Variants in HERC1 observed in about 807,000 individuals in gnomAD.
HERC1 encodes the protein probable E3 ubiquitin-protein ligase HERC1.
Under a neutral mutation model 554.3 loss-of-function variants are expected in HERC1, and 160 were observed. That is an observed-to-expected ratio of 0.29 (90% confidence interval 0.25 to 0.33). The LOEUF (loss-of-function observed/expected upper bound fraction) is 0.33. HERC1 is among the 10% of genes least tolerant of loss of function. HERC1 has a pLI of 1.00. For synonymous variants in HERC1, 2,175 were observed against 2,131.7 expected, an observed-to-expected ratio of 1.02 and a Z score of -0.56; for missense variants, 4,919 against 5,918.5, an observed-to-expected ratio of 0.83 and a Z score of 5.54.
At chr15:63,672,098 T>C (rs1401925571) in intron 39 of HERC1, among the ~76,000 whole-genome samples, 3 of 152,042 alleles carry the variant, frequency 2.0e-5, no homozygotes, top group Non-Finnish European at 2.9e-5. Flanking sequence ...GTTAAAGAAG[T>C]ATGCTTAAAA....
rs1298599536 is a variant in HERC1 at position 63,638,414 on chromosome 15, T to C, written c.12090A>G (p.Gln4030=). The C allele has an allele frequency of 1.5e-5, 24 of 1,613,548 alleles. No individual in the cohort carries two copies. The Admixed American group carries it at 3.8e-4, about 26-fold the overall frequency. The change falls in exon 63 of 78, where the codon CAA becomes CAG. Residue 4030 remains glutamine (Q), a synonymous_variant. Transcript: ENST00000443617. ...PAAAPSFSQA[Q]QVICGQNCTF... ...TATTTTTTATCCTGTTAGTTACCTG[T>C]TGGGCCTGTGAGAATGAGGGAGCTG...
intron 21 of HERC1, among the ~76,000 whole-genome samples, chr15:63,717,702 G>A (rs2073622131): frequency 6.6e-6 from 1 of 151,932 alleles, no homozygotes; most frequent in Non-Finnish European, 1.5e-5. Flanking sequence ...GAAACCCCAT[G>A]TCTACTAAAA....
At chr15:63,690,682 T>A (rs765499852) in intron 31 of HERC1, 35 bp from the exon 32 acceptor site, 11 of 1,268,862 alleles carry the variant, frequency 8.7e-6, no homozygotes, top group Non-Finnish European at 1.1e-5. Context: ...ATTATCAATG[T>A]GACTTAAATT....
In HERC1 at chr15:63,752,982, T is replaced by C; in HGVS notation, c.1878A>G (p.Ser626=). 6.2e-7 allele frequency: 1 copy of C among 1,613,634 alleles called. No homozygotes were observed. Among genetic ancestry groups the C allele is most frequent in the South Asian group, 1.1e-5 (1 of 91,066 alleles). Residue 626 remains serine (S), a synonymous_variant, in exon 8 of 78, where the codon TCA becomes TCG. Coordinates refer to ENST00000443617, the MANE Select transcript of HERC1 (RefSeq NM_003922.4). ...IRKVCAGSQS[S]LALTSTGQVY... ...CCTGCCCTGTTGATGTCAAAGCAAGTGAAGACTGGCTCCCAGCACAAACTT... is the reference window on the plus strand; with the variant it reads ...CCTGCCCTGTTGATGTCAAAGCAAGCGAAGACTGGCTCCCAGCACAAACTT...
intron 55 of HERC1, among the ~76,000 whole-genome samples, chr15:63,646,835 CA>C (rs35357119): frequency 0.033 from 1,265 of 38,228 alleles, 26 homozygotes; most frequent in African/African-American, 0.11. Context: ...CAAACAAAAA[CA>C]AAAACAAAAC....
chr15:63,694,751 A>C lies in HERC1; in HGVS notation c.5242+23T>G, dbSNP rs770788766. The C allele has an allele frequency of 3.7e-6, 6 of 1,613,834 alleles. No homozygotes were observed. The South Asian group carries it at 6.6e-5, about 18-fold the overall frequency. On this transcript the variant is annotated intron_variant, in intron 28 of 77. Coordinates refer to ENST00000443617, the MANE Select transcript of HERC1 (RefSeq NM_003922.4). The surrounding 1 kb of genome is among the most constrained non-coding windows in gnomAD (Gnocchi z 4.3). ...GGCTAAAATGTAACCTGCACTGTAC[A>C]TTTGCAGGAACCGTTTACTTACCAA... is the stretch of plus-strand genomic sequence containing the variant.
At chr15:63,638,325 C>G in intron 63 of HERC1, 86 bp downstream of exon 63, 1 of 1,346,922 alleles carries the variant, frequency 7.4e-7, no homozygotes, top group Admixed American at 2.1e-5. Context: ...ATGAAATGGA[C>G]AAGCTTTATC....
chr15:63,730,210 T>G (rs917215370), intron 14 of HERC1, among the ~76,000 whole-genome samples: 2 of 149,340 alleles, frequency 1.3e-5, no homozygotes, highest in Admixed American at 6.7e-5. Context: ...GTCCCAACAC[T>G]TTGGGAGGCC....
intron 1 of HERC1, among the ~76,000 whole-genome samples, chr15:63,818,599 T>C (rs1391825698): frequency 6.6e-6 from 1 of 152,254 alleles, no homozygotes; most frequent in African/African-American, 2.4e-5. Context: ...TAAGTGATTC[T>C]GTGAATTCAT....
intron 2 of HERC1, among the ~76,000 whole-genome samples, chr15:63,768,024 TATTCTTA>T (rs141883645): frequency 0.032 from 4,931 of 152,286 alleles, 264 homozygotes; most frequent in African/African-American, 0.11. Flanking sequence ...TAATAATCAT[TATTCTTA>T]ATTATTCTCT....
chr15:63,714,386 A>G (rs2073441196), intron 22 of HERC1, among the ~76,000 whole-genome samples: 1 of 152,214 alleles, frequency 6.6e-6, no homozygotes, highest in Non-Finnish European at 1.5e-5. Flanking sequence ...GATTGCCTCC[A>G]GAGTGAGATG....
intron 12 of HERC1, among the ~76,000 whole-genome samples, chr15:63,743,428 AT>A (rs1029747143): frequency 1.3e-5 from 2 of 150,984 alleles, no homozygotes; most frequent in Non-Finnish European, 3.0e-5. Flanking sequence ...CATCCAGCTA[AT>A]TTTTTTTGTA....
Position 63,764,307 on chromosome 15 carries a change from T to C in HERC1, c.931-116A>G, listed in dbSNP as rs7170887. 2,710 of 680,708 alleles carry C rather than the reference T, an allele frequency of 4.0e-3. 56 individuals are homozygous for C. In the African/African-American group the frequency reaches 0.043, roughly 11 times the overall value. The allele number at this position is 680,708 out of a possible 1,614,324, so 42.2% of individuals were successfully genotyped here. On this transcript the variant is annotated intron_variant, in intron 2 of 77. Transcript: ENST00000443617. ...TTGAAGACCTGTTTATATAATTATGTGCACTGAAACCAAATCCTAACATTA... is the reference window on the plus strand; with the variant it reads ...TTGAAGACCTGTTTATATAATTATGCGCACTGAAACCAAATCCTAACATTA...
chr15:63,756,565 G>T lies in HERC1; in HGVS notation c.1405C>A (p.His469Asn). Residue 469 changes from histidine to asparagine, a missense_variant, in exon 5 of 78, where the codon CAC becomes AAC. Transcript: ENST00000443617. The surrounding 1 kb of genome is among the most constrained non-coding windows in gnomAD (Gnocchi z 5.0). Reference sequence around the variant, plus strand: ...CCTTCTGTCGTAAAGGCTAAAGTGTGACCATCAGATCCTTTAGAAGATGAA... The same window carrying T: ...CCTTCTGTCGTAAAGGCTAAAGTGTTACCATCAGATCCTTTAGAAGATGAA... ...KVSSSKGSDGHTLAFTTEGEV... is the reference protein window; with the variant it reads ...KVSSSKGSDGNTLAFTTEGEV... The T allele has an allele frequency of 6.2e-7, 1 of 1,613,788 alleles. No individual in the cohort carries two copies.
chr15:63,691,849 T>G (rs1247300220), intron 31 of HERC1, among the ~76,000 whole-genome samples: 1 of 152,224 alleles, frequency 6.6e-6, no homozygotes, highest in East Asian at 1.9e-4. Context: ...ATTGTATATT[T>G]AAATGATTAA....
chr15:63,670,093 A>G (rs961275728), intron 39 of HERC1, among the ~76,000 whole-genome samples: 5 of 152,224 alleles, frequency 3.3e-5, no homozygotes, highest in Non-Finnish European at 7.3e-5. Context: ...ACTTTTAAAT[A>G]TTAATATAAA....
chr15:63,692,564 C>A lies in HERC1; in HGVS notation c.5677G>T (p.Ala1893Ser). 1 of 1,603,102 alleles carries A rather than the reference C, an allele frequency of 6.2e-7. No individual in the cohort carries two copies. The highest frequency in any genetic ancestry group is 8.5e-7 in the Non-Finnish European group (1 of 1,176,238). The change falls in exon 31 of 78, where the codon GCT becomes TCT. Residue 1893 changes from alanine (A) to serine (S), a missense_variant and splice_region_variant. By Grantham distance (99) the Ala-to-Ser change is moderately conservative (BLOSUM62 1). Transcript: ENST00000443617. The surrounding 1 kb of genome is among the most constrained non-coding windows in gnomAD (Gnocchi z 4.7). ...TCGGCTGCATGTTGTTTCCTAAGAG[C>A]AGCTACAGTGAAGAGACAAGTTTAC... ...GETEKKDFRA[A>S]LRKQHAAELH...
chr15:63,674,608 T>C lies in HERC1; in HGVS notation c.7580A>G (p.Lys2527Arg). 1 of 1,613,026 alleles carries C rather than the reference T, an allele frequency of 6.2e-7. No homozygotes were observed. The highest frequency in any genetic ancestry group is 8.5e-7 in the Non-Finnish European group (1 of 1,179,418). Reference sequence around the variant, plus strand: ...TGGTATCAGCAACAGCTCAGCATATTTACTACAGCCAAGAAGGGCACTAAG... The same window carrying C: ...TGGTATCAGCAACAGCTCAGCATATCTACTACAGCCAAGAAGGGCACTAAG... The part of the protein sequence containing the change: ...KSLSALLGCS[K>R]YAELLLIPKV... The change falls in exon 38 of 78, where the codon AAA becomes AGA. Residue 2527 changes from lysine (K) to arginine (R), a missense_variant. Transcript: ENST00000443617.
intron 2 of HERC1, among the ~76,000 whole-genome samples, chr15:63,768,389 T>G (rs953352467): frequency 6.6e-6 from 1 of 152,238 alleles, no homozygotes; most frequent in Non-Finnish European, 1.5e-5. Context: ...CTTTGAGTAG[T>G]AAGGCTTCAG....
Sources: allele counts gnomAD v4.1 joint callset (sites outside exome capture counted in the v4.1 genomes callset), GRCh38; gene constraint gnomAD v4.1.1; non-coding constraint Gnocchi (gnomAD v3.1); transcripts MANE v1.5; gene names NCBI Gene and HGNC (gene_info 2026-07-23, HGNC 2026-07-21).